The following PDGFC variants were observed in gnomAD, a reference collection of about 807,000 sequenced individuals.
PDGFC encodes the protein platelet derived growth factor C, also known as platelet-derived growth factor C.
Under a neutral mutation model 35.5 loss-of-function variants are expected in PDGFC, and 12 were observed. The observed-to-expected ratio is 0.34, with a 90% CI of 0.22 to 0.55. The LOEUF is 0.55. PDGFC is among the 20% of genes least tolerant of loss of function. The probability of loss-of-function intolerance (pLI) is 0.91; values close to 1 mark genes in which losing one functional copy is unlikely to be tolerated. For missense variants in PDGFC, 322 were observed against 412.4 expected (o/e 0.78, Z 1.90); for synonymous variants, 159 against 148.8 (o/e 1.07, Z -0.50).
chr4:156,780,697 T>C (rs1041495812), intron 3 of PDGFC, among the ~76,000 whole-genome samples: 12 of 151,872 alleles, frequency 7.9e-5, no homozygotes, highest in African/African-American at 2.9e-4. Flanking sequence ...ATAAAAAGAG[T>C]GTTAAGTAGC....
At chr4:156,832,253 C>CTTTTTTTTTTTTT (rs542396769) in intron 2 of PDGFC, among the ~76,000 whole-genome samples, 12 of 121,130 alleles carry the variant, frequency 9.9e-5, no homozygotes, top group Non-Finnish European at 1.5e-4. Flanking sequence ...TTCTTTCTTT[C>CTTTTTTTTTTTTT]TTTTTTTTTT....
chr4:156,812,871 A>G (rs911626230), intron 2 of PDGFC, among the ~76,000 whole-genome samples: 2 of 152,018 alleles, frequency 1.3e-5, no homozygotes, highest in African/African-American at 2.4e-5. Context: ...CACCCCTCCA[A>G]CCTCTGCACA....
chr4:156,827,866 G>A (rs1728819081), intron 2 of PDGFC, among the ~76,000 whole-genome samples: 1 of 152,092 alleles, frequency 6.6e-6, no homozygotes, highest in Non-Finnish European at 1.5e-5. Context: ...ATAAACACCA[G>A]TATATGATGA....
At chr4:156,773,843 A>T (rs546668153) in intron 3 of PDGFC, 20 of 152,202 alleles carry the variant, frequency 1.3e-4, no homozygotes, top group Non-Finnish European at 2.6e-4. Context: ...TCTTTCACTT[A>T]TGCACATGGA....
intron 1 of PDGFC, among the ~76,000 whole-genome samples, chr4:156,883,823 T>C (rs1364981670): frequency 3.9e-5 from 6 of 152,196 alleles, no homozygotes; most frequent in Admixed American, 6.5e-5. Flanking sequence ...TAATTAACAA[T>C]ATTATTATAC....
chr4:156,775,445 C>A (rs1730803633), intron 3 of PDGFC, among the ~76,000 whole-genome samples: 1 of 152,040 alleles, frequency 6.6e-6, no homozygotes, highest in Admixed American at 6.6e-5. Context: ...ATTAAATTGT[C>A]AGGGTGCAGA....
intron 2 of PDGFC, among the ~76,000 whole-genome samples, chr4:156,841,057 T>C (rs1487948033): frequency 2.0e-5 from 3 of 152,084 alleles, no homozygotes; most frequent in Non-Finnish European, 2.9e-5. Context: ...ACTTGGACTT[T>C]TGGGTTAATA....
At chr4:156,904,090 A>G (rs1730857478) in intron 1 of PDGFC, among the ~76,000 whole-genome samples, 1 of 152,146 alleles carries the variant, frequency 6.6e-6, no homozygotes, top group South Asian at 2.1e-4. Flanking sequence ...TCTTGCAATG[A>G]TATTACAGCA....
chr4:156,968,314 G>A (rs1184674076), intron 1 of PDGFC, among the ~76,000 whole-genome samples: 1 of 152,136 alleles, frequency 6.6e-6, no homozygotes, highest in Non-Finnish European at 1.5e-5. Flanking sequence ...CAGAGTTAGA[G>A]AAGACCTGTC....
chr4:156,932,893 T>G (rs375491258), intron 1 of PDGFC, among the ~76,000 whole-genome samples: 2 of 150,912 alleles, frequency 1.3e-5, no homozygotes, highest in East Asian at 1.9e-4. Flanking sequence ...ACTTAAGGTA[T>G]AATTAAAAAA....
At chr4:156,889,094 T>A (rs1730443672) in intron 1 of PDGFC, among the ~76,000 whole-genome samples, 1 of 152,126 alleles carries the variant, frequency 6.6e-6, no homozygotes, top group Admixed American at 6.6e-5. Flanking sequence ...TGATTACAAA[T>A]CTCTCATTTT....
At chr4:156,941,755 A>G (rs1221801068) in intron 1 of PDGFC, among the ~76,000 whole-genome samples, 2 of 152,130 alleles carry the variant, frequency 1.3e-5, no homozygotes, top group Admixed American at 6.6e-5. Context: ...AGTTACTTAC[A>G]TGATAAAATA....
intron 3 of PDGFC, among the ~76,000 whole-genome samples, chr4:156,797,249 GA>G (rs1029655582): frequency 2.6e-3 from 364 of 140,852 alleles, no homozygotes; most frequent in African/African-American, 8.5e-3. Context: ...AAAAAAAAAA[GA>G]AAAAAAAAAG....
At chr4:156,927,818 C>T (rs990904509) in intron 1 of PDGFC, among the ~76,000 whole-genome samples, 1 of 152,164 alleles carries the variant, frequency 6.6e-6, no homozygotes, top group African/African-American at 2.4e-5. Flanking sequence ...GTCGCTTCCA[C>T]ATTTTTGGGT....
chr4:156,790,023 G>A (rs1008375465), intron 3 of PDGFC, among the ~76,000 whole-genome samples: 2 of 139,340 alleles, frequency 1.4e-5, no homozygotes, highest in Non-Finnish European at 3.0e-5. Context: ...AGGAAACATA[G>A]TATCATGGCA....
At chr4:156,859,852 C>T (rs1729667710) in intron 1 of PDGFC, among the ~76,000 whole-genome samples, 1 of 151,522 alleles carries the variant, frequency 6.6e-6, no homozygotes, top group Admixed American at 6.6e-5. Flanking sequence ...GCTGTTATTC[C>T]ACCTCAGTGC....
chr4:156,964,566 C>G (rs1732421923), intron 1 of PDGFC, among the ~76,000 whole-genome samples: 2 of 151,734 alleles, frequency 1.3e-5, no homozygotes, highest in African/African-American at 2.4e-5. Flanking sequence ...ATTTCCGAAG[C>G]AACAGATTCT....
chr4:156,876,091 C>A (rs1579071469), intron 1 of PDGFC, among the ~76,000 whole-genome samples: 1 of 152,132 alleles, frequency 6.6e-6, no homozygotes, highest in Non-Finnish European at 1.5e-5. Context: ...AAAGCAAATA[C>A]TTTCTTGTAT....
Position 156,772,900 on chromosome 4 carries a change from G to A in PDGFC, c.496-7C>T. The A allele has an allele frequency of 6.3e-7, 1 of 1,590,080 alleles. No homozygotes were observed. The highest frequency in any genetic ancestry group is 1.1e-5 in the South Asian group (1 of 90,586). The stretch of plus-strand genomic sequence containing the variant: ...TCACAGCTTCTGTGAATTGCTGAAA[G>A]TAAAATGAATCCTGTGTTAACTGTT... On this transcript the variant is annotated splice_polypyrimidine_tract_variant and splice_region_variant and intron_variant, in intron 3 of 5. Transcript: ENST00000502773.
Sources: allele counts gnomAD v4.1 joint callset (sites outside exome capture counted in the v4.1 genomes callset), GRCh38; gene constraint gnomAD v4.1.1; transcripts MANE v1.5; gene names NCBI Gene and HGNC (gene_info 2026-07-23, HGNC 2026-07-21).